The following ORC5 variants were observed in gnomAD, a reference collection of about 807,000 sequenced individuals.
The protein encoded by ORC5 is protein phosphatase 1, regulatory subunit 117.
Under a neutral mutation model 58.8 loss-of-function variants are expected in ORC5, and 39 were observed. The observed-to-expected ratio is 0.66, with a 90% CI of 0.51 to 0.87. The LOEUF (loss-of-function observed/expected upper bound fraction) is 0.87. ORC5 is among the 40% of genes least tolerant of loss of function. ORC5 has a pLI of 0.00. For synonymous variants in ORC5, 218 were observed against 177.6 expected (o/e 1.23, Z -1.81); for missense variants, 493 against 506.3 (o/e 0.97, Z 0.25).
At chr7:104,174,140 G>A (rs1476080664) in intron 8 of ORC5, among the ~76,000 whole-genome samples, 3 of 152,116 alleles carry the variant, frequency 2.0e-5, no homozygotes, top group Admixed American at 1.3e-4. Context: ...CACCGCGCCC[G>A]GCCGTAAAAT....
At chr7:104,131,963 AG>A (rs1269002475) in intron 13 of ORC5, among the ~76,000 whole-genome samples, 1 of 152,206 alleles carries the variant, frequency 6.6e-6, no homozygotes, top group Non-Finnish European at 1.5e-5. Flanking sequence ...AATAGGATAT[AG>A]CTATGTTATA....
At chr7:104,158,802 G>A (rs1798973103) in intron 12 of ORC5, among the ~76,000 whole-genome samples, 1 of 151,656 alleles carries the variant, frequency 6.6e-6, no homozygotes, top group Non-Finnish European at 1.5e-5. Context: ...CAGTTAGAAT[G>A]GCGATCATTA....
intron 8 of ORC5, among the ~76,000 whole-genome samples, chr7:104,176,517 T>C (rs1339165257): frequency 6.6e-6 from 1 of 151,348 alleles, no homozygotes; most frequent in East Asian, 1.9e-4. Context: ...AGAGTCTGTT[T>C]TGTCAGTCTT....
At chr7:104,192,021 A>G (rs945054914) in intron 5 of ORC5, among the ~76,000 whole-genome samples, 5 of 152,190 alleles carry the variant, frequency 3.3e-5, no homozygotes, top group African/African-American at 9.6e-5. Flanking sequence ...ATACCTGAGA[A>G]AAGGTAAACA....
At position 104,136,749 on chromosome 7, in the gene ORC5, A is replaced by C. The variant is rs1430431495; in HGVS notation, c.1262+32T>G. On this transcript the variant is annotated intron_variant, in intron 13 of 13. Transcript: ENST00000297431. The surrounding 1 kb of genome is among the most constrained non-coding windows in gnomAD (Gnocchi z 4.2). ...TTGGAAAACACTAATTTTTATATTT[A>C]GTATATCATTACATAATTCAAGACA... 1 of 1,327,614 alleles carries C rather than the reference A, an allele frequency of 7.5e-7. No homozygotes were observed. Among genetic ancestry groups the C allele is most frequent in the East Asian group, 2.3e-5 (1 of 43,506 alleles). 82.2% of individuals were successfully genotyped at this position (1,327,614 alleles called of 1,614,324 possible).
chr7:104,152,068 A>G (rs561506432), intron 12 of ORC5, among the ~76,000 whole-genome samples: 1 of 152,288 alleles, frequency 6.6e-6, no homozygotes, highest in East Asian at 1.9e-4. Context: ...TCTCCAATTC[A>G]TTGTGTGCTG....
chr7:104,148,799 C>T (rs922179618), intron 12 of ORC5, among the ~76,000 whole-genome samples: 3 of 152,028 alleles, frequency 2.0e-5, no homozygotes, highest in Non-Finnish European at 4.4e-5. Context: ...TTGGGGAGGC[C>T]GAGGCAGGCA....
chr7:104,130,458 C>T (rs1050911186), intron 13 of ORC5, among the ~76,000 whole-genome samples: 1 of 152,110 alleles, frequency 6.6e-6, no homozygotes, highest in African/African-American at 2.4e-5. Context: ...CTACTGTACC[C>T]CCGGACAGTT....
chr7:104,171,009 T>C (rs1397768105), intron 8 of ORC5, among the ~76,000 whole-genome samples: 3 of 152,214 alleles, frequency 2.0e-5, no homozygotes, highest in Non-Finnish European at 2.9e-5. Flanking sequence ...ATCTTATTTT[T>C]TCATTTTCAT....
intron 11 of ORC5, among the ~76,000 whole-genome samples, chr7:104,163,713 G>A (rs560111735): frequency 2.6e-5 from 4 of 152,086 alleles, no homozygotes; most frequent in South Asian, 2.1e-4. Context: ...GAATGGTCTC[G>A]ACCTCCTGAC....
At chr7:104,131,279 C>T (rs1277689858) in intron 13 of ORC5, among the ~76,000 whole-genome samples, 1 of 152,152 alleles carries the variant, frequency 6.6e-6, no homozygotes, top group East Asian at 1.9e-4. Context: ...CTTTTTGCCA[C>T]CAAACCTCCA....
chr7:104,160,528 T>C (rs970482249), intron 12 of ORC5, among the ~76,000 whole-genome samples: 2 of 152,290 alleles, frequency 1.3e-5, no homozygotes, highest in South Asian at 2.1e-4. Flanking sequence ...TCTTAAAATG[T>C]CAACTAAAAA....
At chr7:104,163,006 T>C (rs1359620388) in intron 11 of ORC5, among the ~76,000 whole-genome samples, 5 of 152,236 alleles carry the variant, frequency 3.3e-5, no homozygotes, top group Non-Finnish European at 1.5e-5. Context: ...TATAGATACA[T>C]GTAGCTCTAG....
intron 2 of ORC5, among the ~76,000 whole-genome samples, chr7:104,202,108 A>AC (rs950712301): frequency 1.3e-5 from 2 of 151,786 alleles, no homozygotes; most frequent in African/African-American, 2.4e-5. Context: ...ACAAAACAAA[A>AC]AAAACTAGCC....
intron 12 of ORC5, among the ~76,000 whole-genome samples, chr7:104,156,981 C>T (rs1021855776): frequency 3.3e-5 from 5 of 151,778 alleles, no homozygotes; most frequent in African/African-American, 1.2e-4. Context: ...ATCTAGTGTT[C>T]GTACCAAATA....
chr7:104,206,538 T>C (rs1162027701), intron 1 of ORC5, among the ~76,000 whole-genome samples: 1 of 152,124 alleles, frequency 6.6e-6, no homozygotes, highest in Non-Finnish European at 1.5e-5. Flanking sequence ...AGTAATAATA[T>C]AACTATAATT....
rs1800137393 is a variant in ORC5, at chr7:104,207,936, G to A, written c.-32C>T. 6 of 1,603,990 alleles carry A rather than the reference G, an allele frequency of 3.7e-6. No individual in the cohort carries two copies. In the African/African-American group the frequency reaches 5.3e-5, roughly 14 times the overall value. On this transcript the variant is annotated 5_prime_UTR_variant, in exon 1 of 14. Coordinates refer to ENST00000297431, the MANE Select transcript of ORC5 (RefSeq NM_002553.4). The stretch of plus-strand genomic sequence containing the variant: ...AGGCACCACCGCAGAGGCCAGTGCA[G>A]CCAGCCCACAGGACCCTTGCACAAG...
At chr7:104,190,634 A>T (rs1314110457) in intron 5 of ORC5, among the ~76,000 whole-genome samples, 1 of 152,114 alleles carries the variant, frequency 6.6e-6, no homozygotes, top group Non-Finnish European at 1.5e-5. Context: ...TAATACAGGA[A>T]TCAATTAGTC....
intron 1 of ORC5, among the ~76,000 whole-genome samples, chr7:104,205,760 T>C (rs1800064327): frequency 6.6e-6 from 1 of 152,208 alleles, no homozygotes; most frequent in Non-Finnish European, 1.5e-5. Flanking sequence ...CTCAAGCCTG[T>C]CATCCCAACA....
Sources: allele counts gnomAD v4.1 joint callset (sites outside exome capture counted in the v4.1 genomes callset), GRCh38; gene constraint gnomAD v4.1.1; non-coding constraint Gnocchi (gnomAD v3.1); transcripts MANE v1.5; gene names NCBI Gene and HGNC (gene_info 2026-07-23, HGNC 2026-07-21).